Variants in ZNF398 observed in about 807,000 individuals in gnomAD.
ZNF398 encodes the protein zinc finger protein 398.
ZNF398 carries 18 observed loss-of-function variants against 41.9 expected under a neutral mutation model. The ratio of observed to expected loss-of-function variants is 0.43; its 90% CI spans 0.30 to 0.64. The LOEUF is 0.64. ZNF398 is among the 30% of genes least tolerant of loss of function. The probability of loss-of-function intolerance (pLI) is 0.14; values close to 1 mark genes in which losing one functional copy is unlikely to be tolerated. For missense variants in ZNF398, 669 were observed against 822.8 expected (o/e 0.81, Z 2.29); for synonymous variants, 260 against 308.8 (o/e 0.84, Z 1.66).
At position 149,147,854 on chromosome 7, in the gene ZNF398, A is replaced by G; in HGVS notation, c.24+88A>G. 7.7e-7 allele frequency: 1 copy of G among 1,293,238 alleles called. No individual in the cohort carries two copies. Among genetic ancestry groups the G allele is most frequent in the Non-Finnish European group, 9.9e-7 (1 of 1,012,426 alleles). The allele number at this position is 1,293,238 out of a possible 1,614,324, so 80.1% of individuals were successfully genotyped here. On this transcript the variant is annotated intron_variant, in intron 1 of 5. Coordinates refer to ENST00000475153, the MANE Select transcript of ZNF398 (RefSeq NM_170686.3). The surrounding 1 kb of genome is among the most constrained non-coding windows in gnomAD (Gnocchi z 5.6). The stretch of plus-strand genomic sequence containing the variant: ...GGGCGGGCAGGGAGCTGCCAGGCAT[A>G]GGCGCCGTTCTCGGGTCCCGCCGGC...
intron 2 of ZNF398, among the ~76,000 whole-genome samples, chr7:149,130,990 A>C (rs977360234): frequency 1.3e-5 from 2 of 152,188 alleles, no homozygotes; most frequent in African/African-American, 2.4e-5. Context: ...GAGGGGTCTG[A>C]CTTTCATTGT....
At chr7:149,132,998 A>C (rs1249684778) in intron 2 of ZNF398, among the ~76,000 whole-genome samples, 1 of 152,036 alleles carries the variant, frequency 6.6e-6, no homozygotes, top group African/African-American at 2.4e-5. Context: ...TATCTGCCTA[A>C]ATAATTTCTT....
intron 1 of ZNF398, among the ~76,000 whole-genome samples, chr7:149,128,354 TGGGTTAAGATAAG>T (rs1187192782): frequency 6.6e-6 from 1 of 152,154 alleles, no homozygotes; most frequent in Non-Finnish European, 1.5e-5. Flanking sequence ...AAGGAGTGTC[TGGGTTAAGATAAG>T]GGGTTGTGGA....
upstream of ZNF398, among the ~76,000 whole-genome samples, chr7:149,145,964 A>G (rs1262704194): frequency 5.5e-5 from 1 of 18,068 alleles, no homozygotes; most frequent in Non-Finnish European, 1.7e-4. Context: ...TTTTTTTTTT[A>G]AGATGGAGTC....
In ZNF398 at chr7:149,147,735, G is replaced by T. The variant is rs2129519971; in HGVS notation, c.-8G>T. 2.9e-6 allele frequency: 4 copies of T among 1,369,722 alleles called. No homozygotes were observed. Among genetic ancestry groups the T allele is most frequent in the African/African-American group, 3.0e-5 (2 of 65,740 alleles). The allele number at this position is 1,369,722 out of a possible 1,614,324, so 84.8% of individuals were successfully genotyped here. On this transcript the variant is annotated 5_prime_UTR_variant, in exon 1 of 6. Transcript: ENST00000475153. The surrounding 1 kb of genome is among the most constrained non-coding windows in gnomAD (Gnocchi z 5.6). The stretch of plus-strand genomic sequence containing the variant: ...ACTTCCGAGGCCCGGGCTAGACAGC[G>T]CAGGGCCATGGCTGAGGCGGCCCCG...
chr7:149,157,362 G>A (rs980640273), intron 2 of ZNF398, among the ~76,000 whole-genome samples: 13 of 151,384 alleles, frequency 8.6e-5, no homozygotes, highest in Non-Finnish European at 1.6e-4. Context: ...GCGAAACCCC[G>A]TCTCTACTAA....
At chr7:149,167,641 T>C (rs1795252214) in intron 4 of ZNF398, among the ~76,000 whole-genome samples, 1 of 148,526 alleles carries the variant, frequency 6.7e-6, no homozygotes, top group African/African-American at 2.5e-5. Context: ...TTTCTTTTTT[T>C]TTTTTTTTTT....
At position 149,139,743 on chromosome 7, in the gene ZNF398, C is replaced by T. The variant is rs565029757; in HGVS notation, c.-490+10799C>T. ...AAATTTGGCCGGGCGTGGTGGCTCACGCCTGTAATCCCAGCACTTTGGGAG... is the reference window on the plus strand; with the variant it reads ...AAATTTGGCCGGGCGTGGTGGCTCATGCCTGTAATCCCAGCACTTTGGGAG... On this transcript the variant is annotated intron_variant, in intron 2 of 6. Transcript: ENST00000426851. Among the ~76,000 whole-genome samples the T allele has an allele frequency of 6.0e-5, 9 of 150,476 alleles. No individual in the cohort carries two copies. In the East Asian group the frequency reaches 9.9e-4, roughly 17 times the overall value.
At chr7:149,142,715 C>T (rs764558019), upstream of ZNF398, among the ~76,000 whole-genome samples, 16 of 152,096 alleles carry the variant, frequency 1.1e-4, no homozygotes, top group Non-Finnish European at 1.9e-4. Context: ...TGAAGAATCA[C>T]GCTTAACTTT....
rs754274856 is a variant in ZNF398 at position 149,179,837 on chromosome 7, C to T, written c.*36C>T. 11 of 1,508,290 alleles carry T rather than the reference C, an allele frequency of 7.3e-6. No homozygotes were observed. The highest frequency in any genetic ancestry group is 1.4e-5 in the African/African-American group (1 of 71,642). The allele number at this position is 1,508,290 out of a possible 1,614,324, so 93.4% of individuals were successfully genotyped here. A position where few individuals can be genotyped will look rare whatever the true frequency, so the allele number is the denominator to read the frequency against. On this transcript the variant is annotated 3_prime_UTR_variant, in exon 6 of 6. Coordinates refer to ENST00000475153, the MANE Select transcript of ZNF398 (RefSeq NM_170686.3). The surrounding 1 kb of genome is among the most constrained non-coding windows in gnomAD (Gnocchi z 6.1). ...CTGTGGCTTCATGCTTGTATATGCT[C>T]ACAGCAGGGCACAAAATCCAAGAGA...
At chr7:149,134,840 C>T (rs988081507) in intron 2 of ZNF398, among the ~76,000 whole-genome samples, 11 of 152,140 alleles carry the variant, frequency 7.2e-5, no homozygotes, top group African/African-American at 2.7e-4. Context: ...AAGCAATTCT[C>T]ATGCCTCAGC....
chr7:149,171,304 G>A (rs894555474), intron 4 of ZNF398, among the ~76,000 whole-genome samples: 5 of 151,570 alleles, frequency 3.3e-5, no homozygotes, highest in East Asian at 1.9e-4. Flanking sequence ...AAAACATATT[G>A]TACATATATA....
intron 2 of ZNF398, among the ~76,000 whole-genome samples, chr7:149,132,105 C>T (rs1826606696): frequency 6.6e-6 from 1 of 151,704 alleles, no homozygotes; most frequent in Non-Finnish European, 1.5e-5. Context: ...ATCAAAAGGT[C>T]TACTTATTTA....
At position 149,178,409 on chromosome 7, in the gene ZNF398, C is replaced by T. The variant is rs550223112; in HGVS notation, c.776-239C>T. Among the ~76,000 whole-genome samples the T allele has an allele frequency of 2.6e-5, 4 of 152,284 alleles. No homozygotes were observed. In the East Asian group the frequency reaches 5.8e-4, roughly 22 times the overall value. ...TGGAGGCTGCAGTGAGCTGAGGTCA[C>T]GCCACTGTACTCCATCGTGGGCAAC... On this transcript the variant is annotated intron_variant, in intron 5 of 5. Coordinates refer to ENST00000475153, the MANE Select transcript of ZNF398 (RefSeq NM_170686.3).
chr7:149,169,203 A>T (rs1334879870), intron 4 of ZNF398, among the ~76,000 whole-genome samples: 1 of 151,938 alleles, frequency 6.6e-6, no homozygotes, highest in East Asian at 1.9e-4. Context: ...TCATGCCTCA[A>T]CCCCCTGAGT....
At chr7:149,136,867 C>CTTT (rs143502050) in intron 2 of ZNF398, among the ~76,000 whole-genome samples, 1 of 136,064 alleles carries the variant, frequency 7.3e-6, no homozygotes, top group Non-Finnish European at 1.6e-5. Context: ...CGCGCTGGGC[C>CTTT]TTTTTTTTTT....
chr7:149,163,020 A>C (rs753036448), intron 2 of ZNF398, among the ~76,000 whole-genome samples: 1 of 152,160 alleles, frequency 6.6e-6, no homozygotes, highest in Non-Finnish European at 1.5e-5. Context: ...TAGCAGATTT[A>C]ACGGCTGAAA....
rs944547024 is a variant in ZNF398 at position 149,178,928 on chromosome 7, C to G, written c.1056C>G (p.Leu352=). The change falls in exon 6 of 6, where the codon CTC becomes CTG. Residue 352 remains leucine (L), a synonymous_variant. Coordinates refer to ENST00000475153, the MANE Select transcript of ZNF398 (RefSeq NM_170686.3). The part of the protein sequence containing the change: ...VFSCHHCGKN[L]SQDMLLTHQC... ...CATGCCACCACTGTGGCAAGAATCT[C>G]AGCCAAGACATGTTGCTGACCCACC... 2 of 1,614,066 alleles carry G rather than the reference C, an allele frequency of 1.2e-6. No homozygotes were observed. Among genetic ancestry groups the G allele is most frequent in the African/African-American group, 2.7e-5 (2 of 74,912 alleles).
upstream of ZNF398, among the ~76,000 whole-genome samples, chr7:149,145,083 G>A (rs1184051274): frequency 1.3e-5 from 2 of 152,080 alleles, no homozygotes; most frequent in African/African-American, 2.4e-5. Flanking sequence ...TGTAGCCACA[G>A]GCGAAAAGTA....
Sources: allele counts gnomAD v4.1 joint callset (sites outside exome capture counted in the v4.1 genomes callset), GRCh38; gene constraint gnomAD v4.1.1; non-coding constraint Gnocchi (gnomAD v3.1); transcripts MANE v1.5; gene names NCBI Gene and HGNC (gene_info 2026-07-23, HGNC 2026-07-21).